The following KAT14 variants were observed in gnomAD, a reference collection of about 807,000 sequenced individuals.
The protein encoded by KAT14 is cysteine-rich protein 2-binding protein.
Under a neutral mutation model 78.4 loss-of-function variants are expected in KAT14, and 66 were observed. The ratio of observed to expected loss-of-function variants is 0.84; its 90% CI spans 0.69 to 1.03. KAT14 has a LOEUF of 1.03. Among genes scored for constraint, KAT14 ranks in the 50% least tolerant of loss-of-function variants. The pLI is 0.00. For missense variants in KAT14, 870 were observed against 972.5 expected (o/e 0.89, Z 1.40); for synonymous variants, 344 against 359.4 (o/e 0.96, Z 0.48).
At chr20:18,163,595 C>G (rs1308532472) in intron 7 of KAT14, among the ~76,000 whole-genome samples, 2 of 152,076 alleles carry the variant, frequency 1.3e-5, no homozygotes, top group East Asian at 3.9e-4. Context: ...ATTTATATTT[C>G]TTTGGTTACA....
intron 7 of KAT14, 116 bp downstream of exon 7, chr20:18,163,061 A>G (rs2038507564): frequency 2.2e-6 from 3 of 1,352,200 alleles, no homozygotes; most frequent in Non-Finnish European, 3.0e-6. Flanking sequence ...TAATTTGGGA[A>G]GAGAAAAGTA....
chr20:18,142,596 A>G lies in KAT14; in HGVS notation c.-65A>G. The G allele has an allele frequency of 6.3e-7, 1 of 1,595,902 alleles. No individual in the cohort carries two copies. The highest frequency in any genetic ancestry group is 1.3e-5 in the African/African-American group (1 of 74,724). ...GGGTGATCCTGGTAGAAGCCCCATT[A>G]GGGTCACTGTCCAGTGCTTAGGGTT... is the stretch of plus-strand genomic sequence containing the variant. On this transcript the variant is annotated 5_prime_UTR_variant, in exon 2 of 11. Coordinates refer to ENST00000688188, the MANE Select transcript of KAT14 (RefSeq NM_001392073.1).
In KAT14 at chr20:18,142,237, T is replaced by C. The variant is rs2037615443; in HGVS notation, c.-424T>C. On this transcript the variant is annotated 5_prime_UTR_variant, in exon 2 of 11. Transcript: ENST00000688188. ...TTCGTGACGGAGTTATCAGAGACAT[T>C]GAGAGGCAAATTCGGAAAAAAGAAA... is the stretch of plus-strand genomic sequence containing the variant. 2.6e-6 allele frequency: 4 copies of C among 1,537,030 alleles called. No individual in the cohort carries two copies. Among genetic ancestry groups the C allele is most frequent in the Admixed American group, 2.0e-5 (1 of 50,956 alleles).
chr20:18,178,672 C>T (rs1013246587), intron 7 of KAT14, among the ~76,000 whole-genome samples: 2 of 152,126 alleles, frequency 1.3e-5, no homozygotes, highest in Non-Finnish European at 2.9e-5. Flanking sequence ...CACTGGGTCT[C>T]TCCCACACCA....
intron 7 of KAT14, among the ~76,000 whole-genome samples, chr20:18,176,848 C>T (rs1159591242): frequency 6.6e-6 from 1 of 152,186 alleles, no homozygotes; most frequent in African/African-American, 2.4e-5. Flanking sequence ...TTAGAAGACT[C>T]TGGCTTCTGT....
rs1321522916 is a variant in KAT14 at position 18,162,443 on chromosome 20, G to T, written c.1166G>T (p.Gly389Val). The change falls in exon 7 of 11, where the codon GGG becomes GTG. Residue 389 changes from glycine (G) to valine (V), a missense_variant. Transcript: ENST00000688188. ...ATGGAGTACGTCCCACCCCCTGCTGGGTCAGTAGCTTCTGGGCCAGTGGTT... is the reference window on the plus strand; with the variant it reads ...ATGGAGTACGTCCCACCCCCTGCTGTGTCAGTAGCTTCTGGGCCAGTGGTT... ...PGMEYVPPPA[G>V]SVASGPVVGV... is the part of the protein sequence containing the mutation. 2 of 1,614,106 alleles carry T rather than the reference G, an allele frequency of 1.2e-6. No homozygotes were observed. The highest frequency in any genetic ancestry group is 1.7e-5 in the Admixed American group (1 of 59,996).
chr20:18,159,292 T>C, intron 5 of KAT14, 27 bp downstream of exon 5: 2 of 1,606,244 alleles, frequency 1.2e-6, no homozygotes, highest in Non-Finnish European at 1.7e-6. Flanking sequence ...AGTACAAAAG[T>C]TGCTAGTCAG....
intron 7 of KAT14, among the ~76,000 whole-genome samples, chr20:18,164,829 C>G (rs2038582004): frequency 6.6e-6 from 1 of 151,852 alleles, no homozygotes. Flanking sequence ...GTCCTACTAT[C>G]TTGCCCAGAC....
chr20:18,153,990 A>G (rs1029539374), intron 4 of KAT14, among the ~76,000 whole-genome samples: 2 of 152,258 alleles, frequency 1.3e-5, no homozygotes, highest in Admixed American at 1.3e-4. Flanking sequence ...AATTTAAAGC[A>G]GTAAACTTTC....
At chr20:18,153,486 T>G (rs977072023) in intron 4 of KAT14, among the ~76,000 whole-genome samples, 2 of 152,192 alleles carry the variant, frequency 1.3e-5, no homozygotes, top group Admixed American at 6.5e-5. Context: ...CTTGGAATGT[T>G]TTCATGATCT....
At chr20:18,165,658 T>C (rs117086843) in intron 7 of KAT14, among the ~76,000 whole-genome samples, 2 of 152,332 alleles carry the variant, frequency 1.3e-5, no homozygotes, top group East Asian at 1.9e-4. Context: ...ATGTTCTGGC[T>C]TCGGCTTCCA....
At chr20:18,175,369 C>A (rs2038999738) in intron 7 of KAT14, among the ~76,000 whole-genome samples, 1 of 152,152 alleles carries the variant, frequency 6.6e-6, no homozygotes, top group Non-Finnish European at 1.5e-5. Context: ...AGTTGATTGG[C>A]AGCGATCTAC....
rs749101690 is a variant in KAT14, at chr20:18,183,239, A to C, written c.1922A>C (p.Tyr641Ser). ...PEPDAPLDYCYVRPNHIPTIN... is the reference protein window; with the variant it reads ...PEPDAPLDYCSVRPNHIPTIN... ...CCCGACGCACCTCTCGATTACTGTT[A>C]TGTGCGGCCAAATCACATCCCAACG... is the stretch of plus-strand genomic sequence containing the variant. Residue 641 changes from tyrosine (Y) to serine (S), a missense_variant, in exon 9 of 11, where the codon TAT (tyrosine) becomes TCT (serine). Transcript: ENST00000688188. 1.2e-6 allele frequency: 2 copies of C among 1,613,972 alleles called. No homozygotes were observed. The highest frequency in any genetic ancestry group is 1.7e-6 in the Non-Finnish European group (2 of 1,180,024).
chr20:18,180,880 G>A (rs1480169991), intron 7 of KAT14, among the ~76,000 whole-genome samples: 2 of 152,208 alleles, frequency 1.3e-5, no homozygotes, highest in Admixed American at 6.5e-5. Context: ...AATTAAGGGA[G>A]TACAATTCAA....
intron 4 of KAT14, among the ~76,000 whole-genome samples, chr20:18,158,452 G>T (rs1670884233): frequency 6.6e-6 from 1 of 152,218 alleles, no homozygotes; most frequent in Middle Eastern, 3.2e-3. Context: ...CAGTCGCCTT[G>T]AAAGAATTTC....
rs1345441244 is a variant in KAT14, at chr20:18,140,859, A to C, written c.-453-1349A>C. ...AAACCAATAAAACAAAACAAAAAAA[A>C]CCCTATTTATTTATTTTGAGATGGG... On this transcript the variant is annotated intron_variant, in intron 1 of 10. Coordinates refer to ENST00000688188, the MANE Select transcript of KAT14 (RefSeq NM_001392073.1). Among the ~76,000 whole-genome samples, 6 of 149,010 alleles carry C rather than the reference A, an allele frequency of 4.0e-5. No homozygotes were observed. In the East Asian group the frequency reaches 9.8e-4, roughly 24 times the overall value.
In KAT14 at chr20:18,184,852, G is replaced by T; in HGVS notation, c.2172+60G>T. Reference sequence around the variant, plus strand: ...TCTGGGCTCCCCTGAACAACCTGGAGGAGGAATGAAGCTGAGCTAGCCCTT... The same window carrying T: ...TCTGGGCTCCCCTGAACAACCTGGATGAGGAATGAAGCTGAGCTAGCCCTT... On this transcript the variant is annotated intron_variant, in intron 10 of 10. Transcript: ENST00000688188. 4 of 1,520,802 alleles carry T rather than the reference G, an allele frequency of 2.6e-6. 1 individual carries two copies. The South Asian group carries it at 5.3e-5, about 20-fold the overall frequency. 94.2% of individuals were successfully genotyped at this position (1,520,802 alleles called of 1,614,324 possible).
intron 7 of KAT14, among the ~76,000 whole-genome samples, chr20:18,175,187 T>A (rs1319674501): frequency 6.6e-6 from 1 of 152,220 alleles, no homozygotes; most frequent in Non-Finnish European, 1.5e-5. Flanking sequence ...CACCCTCTTC[T>A]CTCAGGGAAC....
Position 18,183,130 on chromosome 20 carries a change from T to C in KAT14, c.1813T>C (p.Tyr605His), listed in dbSNP as rs1488633581. ...RILKPYIRRDYETKPPKLQLL... is the reference protein window; with the variant it reads ...RILKPYIRRDHETKPPKLQLL... Reference sequence around the variant, plus strand: ...TCTTCTGTGGTACCGGAGGCGTGATTATGAAACAAAGCCACCCAAACTGCA... The same window carrying C: ...TCTTCTGTGGTACCGGAGGCGTGATCATGAAACAAAGCCACCCAAACTGCA... The change falls in exon 9 of 11, where the codon TAT becomes CAT. Residue 605 changes from tyrosine (Y) to histidine (H), a missense_variant. Coordinates refer to ENST00000688188, the MANE Select transcript of KAT14 (RefSeq NM_001392073.1). The C allele has an allele frequency of 6.2e-7, 1 of 1,606,518 alleles. No homozygotes were observed. The highest frequency in any genetic ancestry group is 8.5e-7 in the Non-Finnish European group (1 of 1,176,608).
Sources: allele counts gnomAD v4.1 joint callset (sites outside exome capture counted in the v4.1 genomes callset), GRCh38; gene constraint gnomAD v4.1.1; transcripts MANE v1.5; gene names NCBI Gene and HGNC (gene_info 2026-07-23, HGNC 2026-07-21).